The following SLC1A5 variants were observed in gnomAD, a reference collection of about 807,000 sequenced individuals.
SLC1A5 encodes the protein solute carrier family 1 member 5.
Under a neutral mutation model 34.9 loss-of-function variants are expected in SLC1A5, and 25 were observed. The observed-to-expected ratio is 0.72, with a 90% confidence interval of 0.52 to 1.00. The LOEUF (loss-of-function observed/expected upper bound fraction) is 1.00, where lower values mean the gene tolerates loss of function less well. SLC1A5 is among the 50% of genes least tolerant of loss of function. The probability of loss-of-function intolerance (pLI) is 0.00; values close to 1 mark genes in which losing one functional copy is unlikely to be tolerated. For synonymous variants in SLC1A5, 351 were observed against 341.2 expected (o/e 1.03, Z -0.32); for missense variants, 637 against 740.0 (o/e 0.86, Z 1.61).
In SLC1A5 at chr19:46,787,520, A is replaced by C. The variant is rs2055195435; in HGVS notation, c.446T>G (p.Leu149Trp). 1 of 1,577,920 alleles carries C rather than the reference A, an allele frequency of 6.3e-7. No individual in the cohort carries two copies. The highest frequency in any genetic ancestry group is 8.6e-7 in the Non-Finnish European group (1 of 1,162,818). Residue 149 changes from leucine to tryptophan, a missense_variant, in exon 1 of 8, where the codon TTG (leucine) becomes TGG (tryptophan). Leu to Trp is a moderately conservative substitution (Grantham distance 61, BLOSUM62 -2). Coordinates refer to ENST00000542575, the MANE Select transcript of SLC1A5 (RefSeq NM_005628.3). The surrounding 1 kb of genome is among the most constrained non-coding windows in gnomAD (Gnocchi z 5.2). ...GGCGCCCGGCTGCAGAGCCAGCGCC[A>C]AGCCCACTCCGAGCGCCGACGCCAG... ...TLLASALGVG[L>W]ALALQPGAAS...
intron 7 of SLC1A5, among the ~76,000 whole-genome samples, chr19:46,776,197 ATTTT>A (rs57733706): frequency 0.012 from 1,456 of 121,766 alleles, 4 homozygotes; most frequent in Non-Finnish European, 0.018. Context: ...TAATTCCAGA[ATTTT>A]TTTTTTTTTT....
In SLC1A5 at chr19:46,775,090, C is replaced by T. The variant is rs932878552; in HGVS notation, c.*420G>A. 2.2e-5 allele frequency: 22 copies of T among 1,019,888 alleles called. No individual in the cohort carries two copies. Among genetic ancestry groups the T allele is most frequent in the Admixed American group, 1.6e-4 (3 of 18,914 alleles). The allele number at this position is 1,019,888 out of a possible 1,614,324, so 63.2% of individuals were successfully genotyped here. On this transcript the variant is annotated 3_prime_UTR_variant, in exon 8 of 8. Transcript: ENST00000542575. The stretch of plus-strand genomic sequence containing the variant: ...ACACACACACACACACACACACACA[C>T]GTGCACACACACATCCCCCCACAAC...
At chr19:46,784,860 G>A in intron 1 of SLC1A5, 11 of 1,385,398 alleles carry the variant, frequency 7.9e-6, no homozygotes, top group Non-Finnish European at 9.3e-6. Flanking sequence ...GTCGCCCCGG[G>A]CCTCAGCTCC....
At chr19:46,778,264 A>T (rs188696742) in intron 5 of SLC1A5, among the ~76,000 whole-genome samples, 17 of 152,174 alleles carry the variant, frequency 1.1e-4, no homozygotes, top group Admixed American at 3.9e-4. Context: ...CCCCGTCTCT[A>T]CTAAAAACAC....
intron 4 of SLC1A5, among the ~76,000 whole-genome samples, chr19:46,780,006 C>T (rs1015758009): frequency 2.0e-5 from 3 of 152,096 alleles, no homozygotes; most frequent in Non-Finnish European, 4.4e-5. Flanking sequence ...GCGCGTGCTA[C>T]CACGCCCAGC....
rs752754714 is a variant in SLC1A5 at position 46,778,796 on chromosome 19, G to A, written c.937C>T (p.His313Tyr). ...GKYILCCLLG[H>Y]AIHGLLVLPL... ...AGTACCAGGAGCCCATGGATGGCGT[G>A]ACCCAGCAGGCAGCACAGAATGTAC... The change falls in exon 5 of 8, where the codon CAC (histidine) becomes TAC (tyrosine). Residue 313 changes from histidine to tyrosine, a missense_variant. Coordinates refer to ENST00000542575, the MANE Select transcript of SLC1A5 (RefSeq NM_005628.3). 6.2e-7 allele frequency: 1 copy of A among 1,613,718 alleles called. No homozygotes were observed. Among genetic ancestry groups the A allele is most frequent in the South Asian group, 1.1e-5 (1 of 91,052 alleles).
At chr19:46,782,584 A>T (rs779773276) in intron 3 of SLC1A5, 35 bp from the exon 4 acceptor site, 2 of 1,611,236 alleles carry the variant, frequency 1.2e-6, no homozygotes, top group African/African-American at 2.7e-5. Context: ...TGGAAAGGAC[A>T]CTCAGTCTAC....
chr19:46,782,345 A>ACCCCCCCCCCCCCCCCCCCCCCCCC, intron 4 of SLC1A5, 38 bp downstream of exon 4: 28 of 292,418 alleles, frequency 9.6e-5, no homozygotes, highest in Middle Eastern at 1.1e-3. Context: ...CCGACCCTCC[A>ACCCCCCCCCCCCCCCCCCCCCCCCC]ACCCCACCCA....
In SLC1A5 at chr19:46,787,930, G is replaced by A. The variant is rs758166575; in HGVS notation, c.36C>T (p.Leu12=). 1.1e-5 allele frequency: 18 copies of A among 1,572,764 alleles called. No individual in the cohort carries two copies. Among genetic ancestry groups the A allele is most frequent in the Non-Finnish European group, 1.5e-5 (18 of 1,161,718 alleles). The part of the protein sequence containing the change: ...VADPPRDSKG[L]AAAEPTANGG... ...CGTTGGCGGTGGGCTCCGCCGCTGC[G>A]AGCCCCTTGGAGTCTCGAGGAGGAT... Residue 12 remains leucine, a synonymous_variant, in exon 1 of 8, where the codon CTC becomes CTT. Transcript: ENST00000542575. The surrounding 1 kb of genome is among the most constrained non-coding windows in gnomAD (Gnocchi z 5.2).
chr19:46,788,223 C>T lies in SLC1A5; in HGVS notation c.-258G>A. 2.2e-6 allele frequency: 1 copy of T among 456,552 alleles called. No homozygotes were observed. The highest frequency in any genetic ancestry group is 3.8e-6 in the Non-Finnish European group (1 of 261,012). The allele number at this position is 456,552 out of a possible 1,614,324, so 28.3% of individuals were successfully genotyped here. The stretch of plus-strand genomic sequence containing the variant: ...GCCAGATGTCCGAAAGCTGGGAGTT[C>T]GGAGCGCCCGGGTTCCTTGGCCCTA... On this transcript the variant is annotated 5_prime_UTR_variant, in exon 1 of 8. Transcript: ENST00000542575.
Position 46,788,592 on chromosome 19 carries a change from T to C in SLC1A5, c.-627A>G, listed in dbSNP as rs1466921248. 2 of 152,236 alleles carry C rather than the reference T, an allele frequency of 1.3e-5. No homozygotes were observed. Among genetic ancestry groups the C allele is most frequent in the Admixed American group, 1.3e-4 (2 of 15,264 alleles). The allele number at this position is 152,236 out of a possible 1,614,324, so 9.4% of individuals were successfully genotyped here. On this transcript the variant is annotated 5_prime_UTR_variant, in exon 1 of 8. Transcript: ENST00000542575. ...AAGCCTCCCGGGCGTGCCGCGTGGC[T>C]CTGAGCCCGTTTAGCGGAAGCTGCC...
At chr19:46,784,857 C>A in intron 1 of SLC1A5, 1 of 1,382,074 alleles carries the variant, frequency 7.2e-7, no homozygotes, top group Non-Finnish European at 9.3e-7. Context: ...CAGGTCGCCC[C>A]GGGCCTCAGC....
In SLC1A5 at chr19:46,787,634, C is replaced by T. The variant is rs1387912190; in HGVS notation, c.332G>A (p.Ser111Asn). Residue 111 changes from serine to asparagine, a missense_variant, in exon 1 of 8, where the codon AGC becomes AAC. Coordinates refer to ENST00000542575, the MANE Select transcript of SLC1A5 (RefSeq NM_005628.3). The surrounding 1 kb of genome is among the most constrained non-coding windows in gnomAD (Gnocchi z 5.2). ...RMIILPLVVC[S>N]LIGGAASLDP... ...CAGGCTGGCGGCGCCGCCGATCAAG[C>T]TGCACACCACCAGCGGCAAGATGAT... 1.3e-6 allele frequency: 2 copies of T among 1,578,720 alleles called. No individual in the cohort carries two copies. The highest frequency in any genetic ancestry group is 2.7e-5 in the African/African-American group (2 of 74,352).
At chr19:46,784,917 T>G in intron 1 of SLC1A5, 2 of 1,236,134 alleles carry the variant, frequency 1.6e-6, no homozygotes, top group Non-Finnish European at 1.0e-6. Flanking sequence ...CATCAGCCAC[T>G]TCCTCCTGGA....
At chr19:46,784,068 G>C in intron 3 of SLC1A5, 29 bp downstream of exon 3, 1 of 1,591,952 alleles carries the variant, frequency 6.3e-7, no homozygotes. Context: ...CAAAGAGGTA[G>C]AGCCCCCGCT....
rs764236925 is a variant in SLC1A5 at position 46,775,680 on chromosome 19, C to T, written c.1456G>A (p.Val486Met). 250 of 1,613,906 alleles carry T rather than the reference C, an allele frequency of 1.5e-4. No homozygotes were observed. Among genetic ancestry groups the T allele is most frequent in the Non-Finnish European group, 1.9e-4 (226 of 1,179,992 alleles). Reference protein sequence around the residue: ...ALGAGLLQNYVDRTESRSTEP... With the variant: ...ALGAGLLQNYMDRTESRSTEP... ...GTGCTTCTCGACTCCGTACGGTCCA[C>T]GTAATTTTGGAGGAGTCCTGCCCCC... The change falls in exon 8 of 8, where the codon GTG becomes ATG. Residue 486 changes from valine to methionine, a missense_variant. By Grantham distance (21) the Val-to-Met change is conservative (BLOSUM62 1). Transcript: ENST00000542575.
intron 5 of SLC1A5, 44 bp downstream of exon 5, chr19:46,778,631 T>C (rs1348953436): frequency 3.7e-6 from 5 of 1,367,220 alleles, no homozygotes; most frequent in South Asian, 2.5e-5. Context: ...TCCATGCCGC[T>C]TAGCGGATTA....
In SLC1A5 at chr19:46,787,752, C is replaced by T. The variant is rs1407630708; in HGVS notation, c.214G>A (p.Val72Met). The T allele has an allele frequency of 1.9e-6, 3 of 1,552,292 alleles. No individual in the cohort carries two copies. The highest frequency in any genetic ancestry group is 1.2e-5 in the South Asian group (1 of 85,340). Residue 72 changes from valine (V) to methionine (M), a missense_variant, in exon 1 of 8, where the codon GTG becomes ATG. Physicochemically the swap from Val to Met is conservative, Grantham distance 21 (BLOSUM62 1). Coordinates refer to ENST00000542575, the MANE Select transcript of SLC1A5 (RefSeq NM_005628.3). The surrounding 1 kb of genome is among the most constrained non-coding windows in gnomAD (Gnocchi z 5.2). ...VVAGVALGLG[V>M]SGAGGALALG... ...GCCAGCGCACCCCCGGCCCCCGACACCCCCAGTCCCAGCGCCACGCCGGCC... is the reference window on the plus strand; with the variant it reads ...GCCAGCGCACCCCCGGCCCCCGACATCCCCAGTCCCAGCGCCACGCCGGCC...
intron 7 of SLC1A5, 45 bp from the exon 8 acceptor site, chr19:46,775,792 G>T: frequency 6.3e-7 from 1 of 1,585,050 alleles, no homozygotes; most frequent in East Asian, 2.3e-5. Flanking sequence ...AGGGGAGAGG[G>T]TGAGAGGGAA....
Sources: allele counts gnomAD v4.1 joint callset (sites outside exome capture counted in the v4.1 genomes callset), GRCh38; gene constraint gnomAD v4.1.1; non-coding constraint Gnocchi (gnomAD v3.1); transcripts MANE v1.5; gene names NCBI Gene and HGNC (gene_info 2026-07-23, HGNC 2026-07-21).